Variants in CEP112 observed in about 807,000 individuals in gnomAD.
CEP112 encodes the protein centrosomal protein 112.
CEP112 carries 127 observed loss-of-function variants against 153.0 expected under a neutral mutation model. The ratio of observed to expected loss-of-function variants is 0.83; its 90% CI spans 0.72 to 0.96. The LOEUF (loss-of-function observed/expected upper bound fraction) is 0.96. Ranked by LOEUF, CEP112 falls within the 40% of genes least tolerant of loss-of-function variation. The probability of loss-of-function intolerance (pLI) is 0.00; values close to 1 mark genes in which losing one functional copy is unlikely to be tolerated. For synonymous variants in CEP112, 358 were observed against 374.4 expected, an observed-to-expected ratio of 0.96 and a Z score of 0.51; for missense variants, 1,089 against 1,101.2, an observed-to-expected ratio of 0.99 and a Z score of 0.16.
chr17:66,065,629 C>CTT lies in CEP112; in HGVS notation c.955+1147_955+1148dup, dbSNP rs34757999. Among the ~76,000 whole-genome samples the CTT allele has an allele frequency of 6.0e-3, 848 of 140,268 alleles. 8 individuals carry two copies. The highest frequency in any genetic ancestry group is 0.021 in the African/African-American group (801 of 37,474). 92.0% of individuals were successfully genotyped at this position (140,268 alleles called of 152,430 possible). A position where few individuals can be genotyped will look rare whatever the true frequency, so the allele number is the denominator to read the frequency against. On this transcript the variant is annotated intron_variant, in intron 10 of 26. Transcript: ENST00000535342. ...GTCAACTATCTTAATATTTTAAAAT[C>CTT]TTTTTTTTTTTTTTTTCTGAGACGG...
Position 65,640,957 on chromosome 17 carries a change from TA to T in CEP112, c.2799+6del. On this transcript the variant is annotated splice_donor_region_variant and intron_variant, in intron 25 of 26. Transcript: ENST00000535342. ...TCCTTGGAAAATGCCTTGATTCTAG[TA>T]ATTACCTGTGATTTTAGGGAGGAAA... 6.7e-7 allele frequency: 1 copy of T among 1,493,356 alleles called. No homozygotes were observed. Among genetic ancestry groups the T allele is most frequent in the Non-Finnish European group, 9.3e-7 (1 of 1,070,316 alleles). The allele number at this position is 1,493,356 out of a possible 1,614,324, so 92.5% of individuals were successfully genotyped here.
intron 6 of CEP112, 97 bp downstream of exon 6, chr17:66,129,649 A>G: frequency 2.4e-6 from 2 of 834,152 alleles, no homozygotes; most frequent in Admixed American, 2.4e-5. Flanking sequence ...CTAACATCCA[A>G]CGTTCACTGA....
chr17:66,106,408 T>A (rs1312245302), intron 6 of CEP112, among the ~76,000 whole-genome samples: 1 of 151,226 alleles, frequency 6.6e-6, no homozygotes, highest in Non-Finnish European at 1.5e-5. Flanking sequence ...CCAGATGAAG[T>A]AGGAAAAAAA....
chr17:65,883,606 G>T (rs2059165435), intron 20 of CEP112, among the ~76,000 whole-genome samples: 1 of 152,074 alleles, frequency 6.6e-6, no homozygotes, highest in African/African-American at 2.4e-5. Context: ...CTCATGATCT[G>T]CCTGCCTTCC....
chr17:66,013,259 G>C (rs559387500), intron 16 of CEP112, among the ~76,000 whole-genome samples: 3 of 152,288 alleles, frequency 2.0e-5, no homozygotes, highest in South Asian at 4.1e-4. Context: ...TGGAGAACTA[G>C]TGTGGGTGTC....
At chr17:65,921,077 T>A (rs2060710504) in intron 19 of CEP112, among the ~76,000 whole-genome samples, 1 of 152,106 alleles carries the variant, frequency 6.6e-6, no homozygotes, top group Non-Finnish European at 1.5e-5. Flanking sequence ...GAAATCTCAC[T>A]TTAGGTTAAC....
chr17:66,067,437 T>C (rs1435900782), intron 9 of CEP112, among the ~76,000 whole-genome samples: 3 of 152,238 alleles, frequency 2.0e-5, no homozygotes, highest in Non-Finnish European at 4.4e-5. Context: ...AATATTTCTC[T>C]TCACATATTT....
At chr17:66,148,028 T>C (rs2070997243) in intron 4 of CEP112, among the ~76,000 whole-genome samples, 1 of 152,208 alleles carries the variant, frequency 6.6e-6, no homozygotes, top group Non-Finnish European at 1.5e-5. Context: ...ACTGTATTAG[T>C]CTGTTTTCAC....
At chr17:65,981,635 C>G (rs751574750) in intron 17 of CEP112, among the ~76,000 whole-genome samples, 2 of 152,116 alleles carry the variant, frequency 1.3e-5, no homozygotes, top group Non-Finnish European at 2.9e-5. Context: ...AAGGCAGTGG[C>G]ACAGTCTCAG....
intron 4 of CEP112, among the ~76,000 whole-genome samples, chr17:66,169,306 C>CA (rs1455602180): frequency 8.6e-6 from 1 of 116,216 alleles, no homozygotes; most frequent in Non-Finnish European, 1.6e-5. Context: ...TTTTTTGAGA[C>CA]AGAGTCTCAC....
chr17:65,819,736 T>A (rs2056437238), intron 21 of CEP112, among the ~76,000 whole-genome samples: 1 of 151,812 alleles, frequency 6.6e-6, no homozygotes, highest in African/African-American at 2.4e-5. Context: ...ATAAACAAAG[T>A]GAGAAAATTC....
In CEP112 at chr17:66,118,545, G is replaced by A. The variant is rs184824285; in HGVS notation, c.642+11201C>T. On this transcript the variant is annotated intron_variant, in intron 6 of 26. Transcript: ENST00000535342. Reference sequence around the variant, plus strand: ...TCATGGAGGTATAAAATAGAATGATGGTTACCAGAGGCTGGGAGGGGTAGT... The same window carrying A: ...TCATGGAGGTATAAAATAGAATGATAGTTACCAGAGGCTGGGAGGGGTAGT... Among the ~76,000 whole-genome samples, 19 of 152,190 alleles carry A rather than the reference G, an allele frequency of 1.2e-4. No homozygotes were observed. In the East Asian group the frequency reaches 3.7e-3, roughly 29 times the overall value.
At chr17:65,828,231 C>T (rs1295489443) in intron 21 of CEP112, among the ~76,000 whole-genome samples, 2 of 152,288 alleles carry the variant, frequency 1.3e-5, no homozygotes, top group African/African-American at 2.4e-5. Context: ...CATTTCTTTT[C>T]AAAATAGTCT....
intron 13 of CEP112, 28 bp downstream of exon 13, chr17:66,029,841 C>G (rs1299664888): frequency 1.9e-6 from 3 of 1,596,324 alleles, no homozygotes; most frequent in Non-Finnish European, 2.6e-6. Flanking sequence ...ATAGCTACAC[C>G]TGATAAATAT....
intron 12 of CEP112, among the ~76,000 whole-genome samples, chr17:66,052,766 AC>A (rs1208847376): frequency 6.8e-6 from 1 of 147,636 alleles, no homozygotes; most frequent in Non-Finnish European, 1.5e-5. Context: ...TTTCAGAAAA[AC>A]AATCAAGTCT....
At chr17:66,188,301 A>C (rs2073020439) in intron 1 of CEP112, among the ~76,000 whole-genome samples, 1 of 140,272 alleles carries the variant, frequency 7.1e-6, no homozygotes, top group Non-Finnish European at 1.6e-5. Context: ...ACACACACAC[A>C]CACACACACA....
At chr17:65,919,767 A>G (rs1277036432) in intron 19 of CEP112, among the ~76,000 whole-genome samples, 1 of 152,204 alleles carries the variant, frequency 6.6e-6, no homozygotes, top group Non-Finnish European at 1.5e-5. Context: ...TTACTTTCTC[A>G]CAAGAAAAAC....
chr17:66,048,784 T>C (rs1415504778), intron 12 of CEP112, among the ~76,000 whole-genome samples: 1 of 152,064 alleles, frequency 6.6e-6, no homozygotes, highest in Admixed American at 6.6e-5. Context: ...TAATTCTGTA[T>C]TTTTAGTATA....
Position 66,030,007 on chromosome 17 carries a change from T to C in CEP112, c.1235A>G (p.Glu412Gly). 2 of 1,613,608 alleles carry C rather than the reference T, an allele frequency of 1.2e-6. No individual in the cohort carries two copies. The highest frequency in any genetic ancestry group is 1.7e-6 in the Non-Finnish European group (2 of 1,179,796). The change falls in exon 13 of 27, where the codon GAA becomes GGA. Residue 412 changes from glutamate to glycine, a missense_variant. Coordinates refer to ENST00000535342, the MANE Select transcript of CEP112 (RefSeq NM_001199165.4). ...QTQSTNHMIK[E>G]LEARVQQLTG... ...CAGCTGCTGGACACGGGCCTCCAGT[T>C]CTTTGATCATGTGGTTCTAAAAGAA...
Sources: gnomAD v4.1 joint callset for allele counts (sites outside exome capture counted in the v4.1 genomes callset) on GRCh38, gnomAD v4.1.1 for gene constraint, MANE v1.5 for transcripts, NCBI Gene and HGNC (gene_info 2026-07-23, HGNC 2026-07-21) for gene names.